The following TRPC4 variants were observed in gnomAD, a reference collection of about 807,000 sequenced individuals.
TRPC4 encodes transient receptor potential cation channel subfamily C member 4, also known as short transient receptor potential channel 4.
TRPC4 carries 49 observed loss-of-function variants against 99.4 expected under a neutral mutation model. That is an observed-to-expected ratio of 0.49 (90% confidence interval 0.39 to 0.63). TRPC4 has a LOEUF of 0.63. Ranked by LOEUF, TRPC4 falls within the 20% of genes least tolerant of loss-of-function variation. The pLI, the probability that TRPC4 is intolerant of heterozygous loss-of-function variation, is 0.00. For synonymous variants in TRPC4, 454 were observed against 425.9 expected, an observed-to-expected ratio of 1.07 and a Z score of -0.81; for missense variants, 898 against 1,152.9, an observed-to-expected ratio of 0.78 and a Z score of 3.20.
At chr13:37,834,441 A>G (rs1958506255) in intron 1 of TRPC4, among the ~76,000 whole-genome samples, 1 of 152,214 alleles carries the variant, frequency 6.6e-6, no homozygotes, top group Non-Finnish European at 1.5e-5. Flanking sequence ...TGTGAATTAT[A>G]TTACTGAAAG....
At chr13:37,794,983 T>G (rs639445) in intron 1 of TRPC4, among the ~76,000 whole-genome samples, 87,237 of 151,916 alleles carry the variant, frequency 0.57, 25,418 homozygotes, top group Admixed American at 0.69. Flanking sequence ...AATTTTCTAA[T>G]GTAGCCTTCA....
intron 2 of TRPC4, among the ~76,000 whole-genome samples, chr13:37,751,404 G>C (rs1282676149): frequency 2.3e-5 from 3 of 132,912 alleles, no homozygotes; most frequent in Non-Finnish European, 5.4e-5. Flanking sequence ...ATGAGAGAGA[G>C]AGAGAGAAAG....
At chr13:37,757,025 A>G (rs1324870549) in intron 2 of TRPC4, among the ~76,000 whole-genome samples, 1 of 152,000 alleles carries the variant, frequency 6.6e-6, no homozygotes, top group Non-Finnish European at 1.5e-5. Context: ...CAGAAAGAAT[A>G]CTATTTCTAA....
intron 1 of TRPC4, among the ~76,000 whole-genome samples, chr13:37,840,504 T>C (rs1958702323): frequency 6.6e-6 from 1 of 152,038 alleles, no homozygotes; most frequent in South Asian, 2.1e-4. Context: ...TCCCTTCTCA[T>C]CATTCTCTAT....
intron 8 of TRPC4, among the ~76,000 whole-genome samples, chr13:37,643,402 G>A (rs1411502229): frequency 6.6e-6 from 1 of 152,182 alleles, no homozygotes. Context: ...GAAAACACGG[G>A]AAGTGCTGTA....
chr13:37,642,314 T>C (rs926073378), intron 8 of TRPC4, among the ~76,000 whole-genome samples: 1 of 152,192 alleles, frequency 6.6e-6, no homozygotes, highest in African/African-American at 2.4e-5. Context: ...ATAGAAACTC[T>C]GAGGAAAATT....
intron 1 of TRPC4, among the ~76,000 whole-genome samples, chr13:37,830,330 A>G (rs905879122): frequency 6.6e-6 from 1 of 152,174 alleles, no homozygotes; most frequent in Non-Finnish European, 1.5e-5. Flanking sequence ...GAAAAAATAA[A>G]TAAAACATTA....
intron 1 of TRPC4, among the ~76,000 whole-genome samples, chr13:37,794,531 C>T (rs1425645806): frequency 1.3e-5 from 2 of 152,078 alleles, no homozygotes; most frequent in African/African-American, 4.8e-5. Flanking sequence ...ATAGAAGCAA[C>T]AACTTGAAAG....
intron 7 of TRPC4, among the ~76,000 whole-genome samples, chr13:37,654,421 G>A (rs1352523769): frequency 6.6e-6 from 1 of 152,084 alleles, no homozygotes; most frequent in Admixed American, 6.6e-5. Flanking sequence ...AAGCAGATAA[G>A]TTCAACTTTG....
intron 4 of TRPC4, among the ~76,000 whole-genome samples, chr13:37,675,784 G>A (rs1347439196): frequency 6.6e-6 from 1 of 152,096 alleles, no homozygotes; most frequent in Admixed American, 6.5e-5. Context: ...GTCAGATATA[G>A]GCCTGCCTAA....
intron 4 of TRPC4, among the ~76,000 whole-genome samples, chr13:37,689,195 TA>T (rs769412829): frequency 3.3e-5 from 5 of 152,166 alleles, no homozygotes; most frequent in Non-Finnish European, 7.3e-5. Flanking sequence ...TCATTCACTC[TA>T]AATCTTTCAT....
intron 1 of TRPC4, among the ~76,000 whole-genome samples, chr13:37,855,813 T>C (rs1297427937): frequency 6.6e-6 from 1 of 151,688 alleles, no homozygotes; most frequent in Middle Eastern, 3.2e-3. Context: ...AAGAAGGAAA[T>C]TGAAAGATAT....
intron 3 of TRPC4, among the ~76,000 whole-genome samples, chr13:37,696,373 T>C (rs541184061): frequency 1.3e-5 from 2 of 152,302 alleles, no homozygotes; most frequent in South Asian, 4.1e-4. Context: ...TAATTGTACA[T>C]GGACAAAGTA....
intron 1 of TRPC4, among the ~76,000 whole-genome samples, chr13:37,799,013 C>G (rs1054981698): frequency 5.9e-5 from 9 of 151,630 alleles, no homozygotes; most frequent in South Asian, 4.2e-4. Context: ...CTCACTGCAA[C>G]CTCTGCCTCC....
chr13:37,734,128 C>T (rs1364345518), intron 3 of TRPC4, among the ~76,000 whole-genome samples: 2 of 152,252 alleles, frequency 1.3e-5, no homozygotes, highest in South Asian at 2.1e-4. Flanking sequence ...TGAATCTGCA[C>T]AGAGTATTTC....
At chr13:37,842,354 AAAAAAAAAAAAAAAAAGG>A (rs1354014817) in intron 1 of TRPC4, among the ~76,000 whole-genome samples, 1 of 143,808 alleles carries the variant, frequency 7.0e-6, no homozygotes, top group Non-Finnish European at 1.5e-5. Context: ...AAAAAAAAAA[AAAAAAAAAAAAAAAAAGG>A]AAAAGGAAAA....
At chr13:37,728,169 T>C (rs1955124460) in intron 3 of TRPC4, among the ~76,000 whole-genome samples, 1 of 151,180 alleles carries the variant, frequency 6.6e-6, no homozygotes, top group Non-Finnish European at 1.5e-5. Context: ...CTATTCAACA[T>C]AGTATTGGAA....
intron 2 of TRPC4, among the ~76,000 whole-genome samples, chr13:37,766,260 A>T (rs187350544): frequency 6.6e-6 from 1 of 151,582 alleles, no homozygotes; most frequent in Admixed American, 6.6e-5. Context: ...AGTAGGAAAG[A>T]TTTACATGGA....
chr13:37,637,731 A>G (rs891391019), intron 10 of TRPC4, 106 bp from the exon 11 acceptor site: 60 of 1,118,804 alleles, frequency 5.4e-5, no homozygotes, highest in Non-Finnish European at 7.1e-5. Flanking sequence ...CTTTTTAAAA[A>G]CAAGGATTCT....
Sources: gnomAD v4.1 joint callset for allele counts (sites outside exome capture counted in the v4.1 genomes callset) on GRCh38, gnomAD v4.1.1 for gene constraint, MANE v1.5 for transcripts, NCBI Gene and HGNC (gene_info 2026-07-23, HGNC 2026-07-21) for gene names.